The following STK10 variants were observed in gnomAD, a reference collection of about 807,000 sequenced individuals.
The protein encoded by STK10 is serine/threonine kinase 10, also known as serine/threonine-protein kinase 10.
A neutral mutation model predicts 113.8 loss-of-function variants in STK10; 78 were observed. That is an observed-to-expected ratio of 0.69 (90% CI 0.57 to 0.83). STK10 has a LOEUF of 0.83. Among genes scored for constraint, STK10 ranks in the 40% least tolerant of loss-of-function variants. The pLI, the probability that STK10 is intolerant of heterozygous loss-of-function variation, is 0.00. For synonymous variants in STK10, 465 were observed against 494.7 expected, an observed-to-expected ratio of 0.94 and a Z score of 0.80; for missense variants, 1,109 against 1,280.1, an observed-to-expected ratio of 0.87 and a Z score of 2.04.
intron 10 of STK10, among the ~76,000 whole-genome samples, chr5:172,088,531 A>G (rs997891522): frequency 6.6e-6 from 1 of 152,104 alleles, no homozygotes; most frequent in South Asian, 2.1e-4. Flanking sequence ...CTCAAAAAAT[A>G]AATAAATACA....
chr5:172,056,705 T>TAAA (rs34406394), intron 15 of STK10, among the ~76,000 whole-genome samples: 64 of 144,788 alleles, frequency 4.4e-4, no homozygotes, highest in Non-Finnish European at 6.2e-4. Context: ...CCAACTCTGC[T>TAAA]AAAAAAAAAA....
intron 7 of STK10, among the ~76,000 whole-genome samples, chr5:172,103,341 G>A (rs1188496597): frequency 6.6e-6 from 1 of 152,246 alleles, no homozygotes; most frequent in Non-Finnish European, 1.5e-5. Flanking sequence ...TCCAGAGATC[G>A]CTCCTTTGTT....
At chr5:172,135,359 A>G (rs933207463) in intron 2 of STK10, among the ~76,000 whole-genome samples, 1 of 152,010 alleles carries the variant, frequency 6.6e-6, no homozygotes, top group Non-Finnish European at 1.5e-5. Flanking sequence ...TAAAAATACA[A>G]AAGTTAGCCA....
chr5:172,069,639 A>G (rs1189554258), intron 12 of STK10, among the ~76,000 whole-genome samples: 1 of 152,252 alleles, frequency 6.6e-6, no homozygotes, highest in Non-Finnish European at 1.5e-5. Flanking sequence ...TATTTAAAAT[A>G]ACAAAATAAT....
intron 1 of STK10, among the ~76,000 whole-genome samples, chr5:172,174,196 C>T (rs913282572): frequency 1.5e-4 from 23 of 151,796 alleles, no homozygotes; most frequent in African/African-American, 5.3e-4. Context: ...TTTGAGACGG[C>T]GTTTCACTCT....
At chr5:172,099,298 T>C (rs1768927755) in intron 7 of STK10, among the ~76,000 whole-genome samples, 1 of 152,144 alleles carries the variant, frequency 6.6e-6, no homozygotes, top group African/African-American at 2.4e-5. Flanking sequence ...CCCAGCACTT[T>C]GGGAGGCCAA....
intron 15 of STK10, 91 bp from the exon 16 acceptor site, chr5:172,055,867 G>C: frequency 8.6e-7 from 1 of 1,165,668 alleles, no homozygotes; most frequent in Non-Finnish European, 1.1e-6. Context: ...TCCACTCAGG[G>C]GCCCAGGACC....
intron 10 of STK10, among the ~76,000 whole-genome samples, chr5:172,087,623 A>AT (rs1203616701): frequency 0.013 from 1,094 of 85,148 alleles, 55 homozygotes; most frequent in East Asian, 0.05. Context: ...TTACTTATTT[A>AT]TTTTTTTTTT....
At chr5:172,085,641 A>C (rs2113735075) in intron 10 of STK10, among the ~76,000 whole-genome samples, 1 of 150,362 alleles carries the variant, frequency 6.7e-6, no homozygotes, top group Middle Eastern at 3.5e-3. Context: ...GTGAGCCGAG[A>C]TCACACCACT....
At chr5:172,089,866 T>C (rs1030060264) in intron 10 of STK10, among the ~76,000 whole-genome samples, 5 of 151,424 alleles carry the variant, frequency 3.3e-5, no homozygotes, top group African/African-American at 9.7e-5. Flanking sequence ...GATGATTAAG[T>C]AGATAGGTAG....
intron 1 of STK10, among the ~76,000 whole-genome samples, chr5:172,167,140 C>G (rs1232027272): frequency 9.4e-5 from 13 of 137,618 alleles, no homozygotes; most frequent in Admixed American, 2.3e-4. Flanking sequence ...AGCCTGGGAA[C>G]AGAGCAAGAA....
In STK10 at chr5:172,055,894, T is replaced by C. The variant is rs1305974841; in HGVS notation, c.2338-118A>G. 5.2e-6 allele frequency: 4 copies of C among 769,320 alleles called. No individual in the cohort carries two copies. The Admixed American group carries it at 1.2e-4, about 23-fold the overall frequency. The allele number at this position is 769,320 out of a possible 1,614,324, so 47.7% of individuals were successfully genotyped here. On this transcript the variant is annotated intron_variant, in intron 15 of 18. Coordinates refer to ENST00000176763, the MANE Select transcript of STK10 (RefSeq NM_005990.4). ...CCCAGGACCAACGCAGCCCACAATG[T>C]TCAGCAGATCAAGGCTGGTGTTATT...
At chr5:172,106,953 C>A in intron 5 of STK10, 139 bp from the exon 6 acceptor site, 1 of 809,292 alleles carries the variant, frequency 1.2e-6, no homozygotes, top group Non-Finnish European at 1.9e-6. Context: ...GACTTTGCAT[C>A]CCACTGTCTT....
chr5:172,121,263 T>C (rs1769504305), intron 3 of STK10, among the ~76,000 whole-genome samples: 1 of 151,988 alleles, frequency 6.6e-6, no homozygotes, highest in Non-Finnish European at 1.5e-5. Context: ...ACTCCTGACC[T>C]CAGGTGATCC....
chr5:172,148,403 C>A (rs1170303732), intron 2 of STK10, among the ~76,000 whole-genome samples: 1 of 152,154 alleles, frequency 6.6e-6, no homozygotes, highest in Admixed American at 6.5e-5. Context: ...GGAAGGGCTA[C>A]ATGGACGTGC....
At chr5:172,161,913 C>G (rs1036904375) in intron 1 of STK10, among the ~76,000 whole-genome samples, 46 of 152,196 alleles carry the variant, frequency 3.0e-4, no homozygotes, top group African/African-American at 1.1e-3. Context: ...GATGCCTCCA[C>G]ACTGGGCCCA....
chr5:172,054,332 G>A (rs1767697428), intron 17 of STK10, among the ~76,000 whole-genome samples: 1 of 152,202 alleles, frequency 6.6e-6, no homozygotes. Flanking sequence ...CTGCACAGCA[G>A]GAATGGTCAT....
At position 172,120,750 on chromosome 5, in the gene STK10, G is replaced by A. The variant is rs1458500426; in HGVS notation, c.371-3120C>T. 2.0e-5 allele frequency among the ~76,000 whole-genome samples: 3 copies of A among 152,220 alleles called. No individual in the cohort carries two copies. The highest frequency in any genetic ancestry group is 4.8e-5 in the African/African-American group (2 of 41,462). ...TATTGCTATGTTGGTTCTAAGATGAGTCCAGGGCTGGAATATGTGCCGCAA... is the reference window on the plus strand; with the variant it reads ...TATTGCTATGTTGGTTCTAAGATGAATCCAGGGCTGGAATATGTGCCGCAA... On this transcript the variant is annotated intron_variant, in intron 3 of 18. Transcript: ENST00000176763. The surrounding 1 kb of genome is among the most constrained non-coding windows in gnomAD (Gnocchi z 4.0).
At chr5:172,178,283 T>C (rs998615313) in intron 1 of STK10, among the ~76,000 whole-genome samples, 2 of 152,180 alleles carry the variant, frequency 1.3e-5, no homozygotes, top group Non-Finnish European at 2.9e-5. Context: ...ATCAGGCCGC[T>C]ACATCAGGCT....
Sources: gnomAD v4.1 joint callset for allele counts (sites outside exome capture counted in the v4.1 genomes callset) on GRCh38, gnomAD v4.1.1 for gene constraint, Gnocchi (gnomAD v3.1) non-coding constraint, MANE v1.5 for transcripts, NCBI Gene and HGNC (gene_info 2026-07-23, HGNC 2026-07-21) for gene names.